RCL1: variants seen among roughly 807,000 people sequenced by gnomAD.
The protein encoded by RCL1 is RNA terminal phosphate cyclase like 1, also known as RNA 3'-terminal phosphate cyclase-like protein.
Under a neutral mutation model 42.4 loss-of-function variants are expected in RCL1, and 24 were observed. The ratio of observed to expected loss-of-function variants is 0.57; its 90% CI spans 0.41 to 0.80. The LOEUF is 0.80. RCL1 is among the 30% of genes least tolerant of loss of function. The pLI is 0.00. For missense variants in RCL1, 578 were observed against 467.9 expected (o/e 1.24, Z -2.17); for synonymous variants, 228 against 177.3 (o/e 1.29, Z -2.27).
chr9:4,860,325 C>G lies in RCL1; in HGVS notation c.*50C>G. On this transcript the variant is annotated 3_prime_UTR_variant, in exon 9 of 9. Transcript: ENST00000381750. ...ATGCCTACAGACAAAGCAGAAGCTG[C>G]CACGGACACCAATGGGACCAAGTCC... 6.3e-7 allele frequency: 1 copy of G among 1,583,080 alleles called. No individual in the cohort carries two copies. Among genetic ancestry groups the G allele is most frequent in the Non-Finnish European group, 8.6e-7 (1 of 1,166,270 alleles).
At chr9:4,831,411 T>C (rs1231633332) in intron 3 of RCL1, among the ~76,000 whole-genome samples, 1 of 151,906 alleles carries the variant, frequency 6.6e-6, no homozygotes, top group Non-Finnish European at 1.5e-5. Flanking sequence ...CAGCTGCTCT[T>C]AAGCCTCGAC....
intron 8 of RCL1, among the ~76,000 whole-genome samples, chr9:4,857,247 G>C (rs764098435): frequency 2.0e-5 from 3 of 152,092 alleles, no homozygotes; most frequent in African/African-American, 4.8e-5. Context: ...AGCTCACAGT[G>C]CCTCCCATTC....
At chr9:4,856,417 A>G (rs10974817) in intron 8 of RCL1, among the ~76,000 whole-genome samples, 85,684 of 151,990 alleles carry the variant, frequency 0.56, 24,377 homozygotes, top group East Asian at 0.74. Flanking sequence ...TTGTTTGAAT[A>G]ACGGGTTCAG....
intron 1 of RCL1, among the ~76,000 whole-genome samples, chr9:4,813,837 A>G (rs1271120808): frequency 6.6e-6 from 1 of 152,198 alleles, no homozygotes; most frequent in Non-Finnish European, 1.5e-5. Flanking sequence ...GCACATATAC[A>G]CCATGGAATA....
At chr9:4,854,614 A>T (rs1206098904) in intron 8 of RCL1, among the ~76,000 whole-genome samples, 1 of 152,016 alleles carries the variant, frequency 6.6e-6, no homozygotes, top group Non-Finnish European at 1.5e-5. Context: ...GCTTCAAAAG[A>T]GGGGTCTGGT....
intron 1 of RCL1, among the ~76,000 whole-genome samples, chr9:4,813,041 G>A (rs545168692): frequency 2.6e-5 from 4 of 152,204 alleles, no homozygotes; most frequent in Admixed American, 6.5e-5. Context: ...CCTCCTTCCC[G>A]ATTTGGATGC....
At chr9:4,855,858 A>C (rs7853365) in intron 8 of RCL1, among the ~76,000 whole-genome samples, 29,322 of 152,074 alleles carry the variant, frequency 0.19, 3,311 homozygotes, top group East Asian at 0.55. Flanking sequence ...AATACCCCAA[A>C]CTTGCAAATA....
At chr9:4,808,467 C>G (rs1417941132) in intron 1 of RCL1, among the ~76,000 whole-genome samples, 2 of 151,998 alleles carry the variant, frequency 1.3e-5, no homozygotes, top group Non-Finnish European at 2.9e-5. Flanking sequence ...GCCATTATGC[C>G]TGGCTAATTT....
At chr9:4,834,340 T>C (rs1224881964) in intron 5 of RCL1, 75 bp downstream of exon 5, 1 of 1,496,304 alleles carries the variant, frequency 6.7e-7, no homozygotes. Context: ...GACTAACAGC[T>C]TTACTTCTTC....
At chr9:4,853,068 T>C (rs1383792932) in intron 8 of RCL1, among the ~76,000 whole-genome samples, 1 of 152,188 alleles carries the variant, frequency 6.6e-6, no homozygotes, top group Non-Finnish European at 1.5e-5. Context: ...TTCTGTAAGG[T>C]AGATGTTTAT....
intron 1 of RCL1, among the ~76,000 whole-genome samples, chr9:4,818,224 T>G (rs1389508378): frequency 6.6e-6 from 1 of 152,136 alleles, no homozygotes. Flanking sequence ...CCCGGCCCAG[T>G]TGCTAAGATT....
intron 1 of RCL1, among the ~76,000 whole-genome samples, chr9:4,818,497 T>C (rs1048732083): frequency 6.6e-6 from 1 of 152,220 alleles, no homozygotes; most frequent in Non-Finnish European, 1.5e-5. Context: ...GTGTTTGCAA[T>C]GTCTACCTCT....
chr9:4,821,112 C>A (rs139116504), intron 1 of RCL1, among the ~76,000 whole-genome samples: 5 of 152,216 alleles, frequency 3.3e-5, no homozygotes, highest in African/African-American at 1.2e-4. Context: ...AAACTAGTGT[C>A]GTGGTGTGGC....
chr9:4,850,548 T>C (rs1156516210), intron 8 of RCL1, among the ~76,000 whole-genome samples: 2 of 130,442 alleles, frequency 1.5e-5, no homozygotes, highest in Non-Finnish European at 3.1e-5. Flanking sequence ...AACAGGAAAA[T>C]GGAAGAGAAT....
chr9:4,817,470 T>G (rs296839), intron 1 of RCL1, among the ~76,000 whole-genome samples: 1 of 60,296 alleles, frequency 1.7e-5, no homozygotes, highest in African/African-American at 4.0e-5. Flanking sequence ...TTTTTTTTAA[T>G]CTTTTTTTTT....
Position 4,860,355 on chromosome 9 carries a change from G to T in RCL1, c.*80G>T. 6.8e-7 allele frequency: 1 copy of T among 1,471,486 alleles called. No individual in the cohort carries two copies. The allele number at this position is 1,471,486 out of a possible 1,614,324, so 91.2% of individuals were successfully genotyped here. On this transcript the variant is annotated 3_prime_UTR_variant, in exon 9 of 9. Coordinates refer to ENST00000381750, the MANE Select transcript of RCL1 (RefSeq NM_005772.5). ...GACACCAATGGGACCAAGTCCAAAT[G>T]GATTAATCCAGGACAGAATAGCCAC... is the stretch of plus-strand genomic sequence containing the variant.
rs775327726 is a variant in RCL1 at position 4,833,223 on chromosome 9, C to G, written c.454C>G (p.Leu152Val). ...TGGGATTGATGGTGAATCATTTGAA[C>G]TGAAGGTAAGAATGTTTGAACTGTT... ...QFGIDGESFE[L>V]KIVRRGMPPG... The change falls in exon 4 of 9, where the codon CTG becomes GTG. Residue 152 changes from leucine (L) to valine (V), a missense_variant. Coordinates refer to ENST00000381750, the MANE Select transcript of RCL1 (RefSeq NM_005772.5). 6.2e-7 allele frequency: 1 copy of G among 1,610,424 alleles called. No individual in the cohort carries two copies. The highest frequency in any genetic ancestry group is 8.5e-7 in the Non-Finnish European group (1 of 1,176,652).
intron 5 of RCL1, among the ~76,000 whole-genome samples, chr9:4,838,335 C>T (rs748009533): frequency 2.6e-5 from 4 of 152,246 alleles, no homozygotes; most frequent in Admixed American, 6.5e-5. Flanking sequence ...TGTGACTACA[C>T]AGTAGTTACC....
chr9:4,832,491 T>G (rs1816972166), intron 3 of RCL1, among the ~76,000 whole-genome samples: 1 of 152,224 alleles, frequency 6.6e-6, no homozygotes, highest in South Asian at 2.1e-4. Flanking sequence ...GATTTTCTTC[T>G]GTACGTTTAT....
Sources: gnomAD v4.1 joint callset for allele counts (sites outside exome capture counted in the v4.1 genomes callset) on GRCh38, gnomAD v4.1.1 for gene constraint, MANE v1.5 for transcripts, NCBI Gene and HGNC (gene_info 2026-07-23, HGNC 2026-07-21) for gene names.